MYO15B: variants seen among roughly 807,000 people sequenced by gnomAD.
MYO15B encodes the protein myosin XVB pseudogene.
In MYO15B, 207 loss-of-function variants were observed where a neutral mutation model predicts 119.3. The observed-to-expected ratio is 1.73, with a 90% CI of 1.55 to 1.95. MYO15B has a LOEUF of 1.95. MYO15B is among the 30% of genes most tolerant of loss of function. The pLI is 0.00. For synonymous variants in MYO15B, 966 were observed against 498.9 expected (o/e 1.94, Z -12.48); for missense variants, 2,264 against 1,203.1 (o/e 1.88, Z -13.04).
chr17:75,598,159 AT>A (rs2056990119), intron 14 of MYO15B, among the ~76,000 whole-genome samples: 1 of 149,988 alleles, frequency 6.7e-6, no homozygotes, highest in Non-Finnish European at 1.5e-5. Flanking sequence ...TGAGCCAGGC[AT>A]GGGAGGCTGA....
chr17:75,603,023 C>T lies in MYO15B; in HGVS notation c.3846-9C>T, dbSNP rs889066635. 5.7e-6 allele frequency: 4 copies of T among 703,220 alleles called. No individual in the cohort carries two copies. The African/African-American group carries it at 7.0e-5, about 12-fold the overall frequency. The allele number at this position is 703,220 out of a possible 1,614,324, so 43.6% of individuals were successfully genotyped here. ...TCTGTGCCCGAGTGACCCCTCTTTC[C>T]CTCATCAGGAGCCATGTCTATTTCA... is the stretch of plus-strand genomic sequence containing the variant. On this transcript the variant is annotated splice_polypyrimidine_tract_variant and intron_variant, in intron 17 of 63. Coordinates refer to ENST00000645453, the Ensembl canonical transcript of MYO15B.
At chr17:75,602,439 C>T (rs2057343513) in intron 15 of MYO15B, 78 bp from the exon 16 acceptor site, 1 of 702,654 alleles carries the variant, frequency 1.4e-6, no homozygotes, top group African/African-American at 1.7e-5. Context: ...TCTTCTCCTC[C>T]ATATCCAGCC....
exon 14 of MYO15B, chr17:75,596,870 A>G: frequency 1.4e-6 from 1 of 702,728 alleles, no homozygotes; most frequent in Middle Eastern, 2.3e-4. Flanking sequence ...CCTCCTGAGT[A>G]TCCTGGACGC....
chr17:75,614,919 T>C (rs894565402), intron 32 of MYO15B, 42 bp from the exon 33 acceptor site: 1 of 702,830 alleles, frequency 1.4e-6, no homozygotes, highest in Non-Finnish European at 2.6e-6. Flanking sequence ...CTTCCATTTT[T>C]CTCAGGGCTC....
At chr17:75,593,951 A>G (rs2056662559) in intron 9 of MYO15B, among the ~76,000 whole-genome samples, 2 of 147,144 alleles carry the variant, frequency 1.4e-5, no homozygotes, top group Non-Finnish European at 3.0e-5. Flanking sequence ...TTAGCTGGGC[A>G]TGGTGGCATG....
chr17:75,588,246 T>C (rs905137482), exon 1 of MYO15B: 3 of 398,026 alleles, frequency 7.5e-6, no homozygotes, highest in Middle Eastern at 6.2e-4. Flanking sequence ...AGGGAACCCC[T>C]GGTGGCCGCA....
At chr17:75,625,864 C>G (rs1273138860) in exon 62 of MYO15B, 1 of 702,908 alleles carries the variant, frequency 1.4e-6, no homozygotes, top group Non-Finnish European at 2.6e-6. Flanking sequence ...CCAGCTGCCC[C>G]TCTTCGGCTA....
At chr17:75,606,671 C>T (rs2057674568) in intron 21 of MYO15B, among the ~76,000 whole-genome samples, 1 of 151,948 alleles carries the variant, frequency 6.6e-6, no homozygotes, top group African/African-American at 2.4e-5. Context: ...CGGGGTTTCT[C>T]CATGTTGGTC....
rs2056277546 is a variant in MYO15B at position 75,589,335 on chromosome 17, C to T, written c.1278C>T (p.Arg426=). The T allele has an allele frequency of 3.1e-6, 1 of 321,178 alleles. No individual in the cohort carries two copies. The highest frequency in any genetic ancestry group is 5.5e-5 in the Admixed American group (1 of 18,102). 19.9% of individuals were successfully genotyped at this position (321,178 alleles called of 1,614,324 possible). The change falls in exon 1 of 64, where the codon CGC becomes CGT. Residue 426 remains arginine (R), a synonymous_variant. Coordinates refer to ENST00000645453, the Ensembl canonical transcript of MYO15B. This position sits in a 1 kb window ranked among gnomAD's most constrained non-coding sequence, Gnocchi z 4.2. ...GGAGAGGAAGCAAGGGGCGGGGCCG[C>T]GGGAAAGCGGATGAAGGGCGGGGCC... is the stretch of plus-strand genomic sequence containing the variant.
chr17:75,626,612 C>T, exon 64 of MYO15B: 1 of 643,408 alleles, frequency 1.6e-6, no homozygotes, highest in East Asian at 2.7e-5. Flanking sequence ...AGCCGGCCCA[C>T]ATGCAGGCCA....
At chr17:75,616,986 C>G (rs559729514) in intron 40 of MYO15B, 25 bp downstream of exon 40, 186 of 702,834 alleles carry the variant, frequency 2.6e-4, no homozygotes, top group Admixed American at 4.8e-4. Flanking sequence ...CTGTCTCCCC[C>G]AGAGTGTGTG....
At chr17:75,593,562 G>A (rs820251) in intron 9 of MYO15B, among the ~76,000 whole-genome samples, 138,272 of 150,692 alleles carry the variant, frequency 0.92, 63,571 homozygotes, top group Admixed American at 0.94. Context: ...GTGACCTGAG[G>A]TTGCGCCACT....
intron 1 of MYO15B, 91 bp from the exon 2 acceptor site, chr17:75,590,535 A>C: frequency 2.9e-6 from 1 of 342,492 alleles, no homozygotes; most frequent in Non-Finnish European, 5.2e-6. Flanking sequence ...AAGTTGAATG[A>C]CTTGCCAGGG....
intron 47 of MYO15B, 28 bp downstream of exon 47, chr17:75,620,048 C>T (rs371971204): frequency 2.6e-5 from 18 of 689,214 alleles, no homozygotes; most frequent in Admixed American, 6.1e-5. Context: ...GTTGAGAGGC[C>T]GGGCAGACAG....
chr17:75,618,142 A>G (rs1272162117), exon 43 of MYO15B: 1 of 703,284 alleles, frequency 1.4e-6, no homozygotes, highest in Non-Finnish European at 2.6e-6. Context: ...TACCCACGGG[A>G]GAACTTCAGC....
chr17:75,618,262 C>G (rs1598894956), intron 43 of MYO15B, 77 bp downstream of exon 43: 1 of 697,060 alleles, frequency 1.4e-6, no homozygotes, highest in South Asian at 1.5e-5. Context: ...AATGGCTGGG[C>G]CAGGTTAACA....
Position 75,594,455 on chromosome 17 carries a change from G to C in MYO15B, c.2992-20G>C, listed in dbSNP as rs1170704656. ...CCATTCCTGAAGCAGAGATCTCCCT[G>C]TCCCTCCCTCTCTGTGTAGCGAGAG... On this transcript the variant is annotated intron_variant, in intron 9 of 63. Coordinates refer to ENST00000645453, the Ensembl canonical transcript of MYO15B. The C allele has an allele frequency of 3.4e-6, 2 of 594,558 alleles. No individual in the cohort carries two copies. The highest frequency in any genetic ancestry group is 3.7e-5 in the African/African-American group (2 of 53,746). The allele number at this position is 594,558 out of a possible 1,614,324, so 36.8% of individuals were successfully genotyped here.
In MYO15B at chr17:75,616,434, G is replaced by A. The variant is rs200274945; in HGVS notation, c.6232G>A (p.Glu2078Lys). The A allele has an allele frequency of 4.8e-4, 302 of 633,674 alleles. 1 individual carries two copies. Among genetic ancestry groups the A allele is most frequent in the Non-Finnish European group, 6.5e-4 (231 of 353,218 alleles). The allele number at this position is 633,674 out of a possible 1,614,324, so 39.3% of individuals were successfully genotyped here. ...GGAGGAGCAGGAGGAGCAAGAAGTG[G>A]AAACAAGAGCAGGTTGTGGGGAGCT... Residue 2078 changes from glutamate (E) to lysine (K), a missense_variant, in exon 38 of 64, where the codon GAA becomes AAA. Physicochemically the swap from Glu to Lys is moderately conservative, Grantham distance 56 (BLOSUM62 1). Transcript: ENST00000645453.
rs1019730537 is a variant in MYO15B at position 75,614,361 on chromosome 17, G to A, written c.5381+1G>A. 1.1e-5 allele frequency: 8 copies of A among 702,236 alleles called. No individual in the cohort carries two copies. Among genetic ancestry groups the A allele is most frequent in the East Asian group, 2.7e-5 (1 of 37,266 alleles). The allele number at this position is 702,236 out of a possible 1,614,324, so 43.5% of individuals were successfully genotyped here. On this transcript the variant is annotated splice_donor_variant, in intron 30 of 63. Transcript: ENST00000645453. LOFTEE classifies it high-confidence loss of function. ...GCTACCCCATCACTCCTCTTGGCTC[G>A]TAGGTGCCACCCAGCACCCCTCTCC...
Sources: gnomAD v4.1 joint callset for allele counts (sites outside exome capture counted in the v4.1 genomes callset) on GRCh38, gnomAD v4.1.1 for gene constraint, Gnocchi (gnomAD v3.1) non-coding constraint, MANE v1.5 for transcripts, NCBI Gene and HGNC (gene_info 2026-07-23, HGNC 2026-07-21) for gene names.